SLC24A2: variants seen among roughly 807,000 people sequenced by gnomAD.
SLC24A2 encodes the protein sodium/potassium/calcium exchanger 2.
In SLC24A2, 36 loss-of-function variants were observed where a neutral mutation model predicts 62.0. That is an observed-to-expected ratio of 0.58 (90% CI 0.44 to 0.77). The LOEUF is 0.77. Ranked by LOEUF, SLC24A2 falls within the 30% of genes least tolerant of loss-of-function variation. SLC24A2 has a pLI of 0.00. For synonymous variants in SLC24A2, 358 were observed against 294.0 expected (o/e 1.22, Z -2.23); for missense variants, 846 against 817.9 (o/e 1.03, Z -0.42).
At chr9:20,283,008 A>G in the SLC24A2 span, among the ~76,000 whole-genome samples, 1 of 152,210 alleles carries the variant, frequency 6.6e-6, no homozygotes, top group Non-Finnish European at 1.5e-5. Flanking sequence ...GTTAATACAC[A>G]TGGTCAAATC....
intron 2 of SLC24A2, among the ~76,000 whole-genome samples, chr9:19,785,489 A>G (rs1289700734): frequency 6.6e-6 from 1 of 152,240 alleles, no homozygotes; most frequent in African/African-American, 2.4e-5. Context: ...ACGGTGACAC[A>G]AACTTTCTTC....
the SLC24A2 span, among the ~76,000 whole-genome samples, chr9:19,818,151 G>A: frequency 6.6e-6 from 1 of 152,210 alleles, no homozygotes; most frequent in Admixed American, 6.5e-5. Context: ...AATACCTGGT[G>A]CATTTTAGAG....
rs1336967108 is a variant in SLC24A2, at chr9:19,672,678, G to A, written c.931-50379C>T. Among the ~76,000 whole-genome samples the A allele has an allele frequency of 1.4e-5, 2 of 146,134 alleles. 1 individual carries two copies. Among genetic ancestry groups the A allele is most frequent in the Non-Finnish European group, 3.0e-5 (2 of 67,376 alleles). The stretch of plus-strand genomic sequence containing the variant: ...TTTTGATGTAGGCATTTAAGGCTGT[G>A]AATTTTCCTTTTAGCACTGTCTTTG... On this transcript the variant is annotated intron_variant, in intron 2 of 10. Coordinates refer to ENST00000341998, the MANE Select transcript of SLC24A2 (RefSeq NM_020344.4).
chr9:19,796,610 A>G, the SLC24A2 span, among the ~76,000 whole-genome samples: 1 of 152,214 alleles, frequency 6.6e-6, no homozygotes, highest in African/African-American at 2.4e-5. Context: ...TCCCACTCCC[A>G]TACTCTATTT....
the SLC24A2 span, among the ~76,000 whole-genome samples, chr9:19,897,561 A>T: frequency 2.0e-5 from 3 of 152,174 alleles, no homozygotes; most frequent in Non-Finnish European, 4.4e-5. Flanking sequence ...GTCCATATAA[A>T]ACAACAGTTC....
the SLC24A2 span, among the ~76,000 whole-genome samples, chr9:20,021,672 T>G: frequency 6.6e-6 from 1 of 152,198 alleles, no homozygotes; most frequent in South Asian, 2.1e-4. Flanking sequence ...TGCCTTGTGC[T>G]GTCTTCCTTT....
the SLC24A2 span, among the ~76,000 whole-genome samples, chr9:20,059,381 G>A: frequency 6.6e-6 from 1 of 152,184 alleles, no homozygotes; most frequent in Non-Finnish European, 1.5e-5. Flanking sequence ...ATATTTTCCA[G>A]GATGGACCAT....
At chr9:19,824,565 G>C in the SLC24A2 span, among the ~76,000 whole-genome samples, 1 of 152,184 alleles carries the variant, frequency 6.6e-6, no homozygotes, top group Non-Finnish European at 1.5e-5. Context: ...CTTTTACGCT[G>C]TTAGTGGGAG....
chr9:19,975,940 C>T, the SLC24A2 span, among the ~76,000 whole-genome samples: 953 of 152,138 alleles, frequency 6.3e-3, 17 homozygotes, highest in African/African-American at 0.02. Context: ...GTATCTTGTT[C>T]TATCACCCAA....
At chr9:20,159,932 A>T in the SLC24A2 span, among the ~76,000 whole-genome samples, 1 of 151,550 alleles carries the variant, frequency 6.6e-6, no homozygotes, top group African/African-American at 2.4e-5. Context: ...CAATATGACA[A>T]TTGATACAGA....
At chr9:20,261,923 A>G in the SLC24A2 span, among the ~76,000 whole-genome samples, 1 of 151,816 alleles carries the variant, frequency 6.6e-6, no homozygotes, top group African/African-American at 2.4e-5. Context: ...TATTTTTAGT[A>G]GAGACAGCAT....
the SLC24A2 span, among the ~76,000 whole-genome samples, chr9:20,284,372 G>T: frequency 6.6e-6 from 1 of 151,978 alleles, no homozygotes; most frequent in Non-Finnish European, 1.5e-5. Context: ...CGAACTCCTA[G>T]GCTCAAGCAA....
rs180754789 is a variant in SLC24A2 at position 19,676,231 on chromosome 9, A to G, written c.931-53932T>C. On this transcript the variant is annotated intron_variant, in intron 2 of 10. Transcript: ENST00000341998. ...GGCACTCACAGTTTTTTGGCTGTCT[A>G]CCGGGGCCTGCAGGAGCAATCTGCT... is the stretch of plus-strand genomic sequence containing the variant. Among the ~76,000 whole-genome samples, 89 of 152,236 alleles carry G rather than the reference A, an allele frequency of 5.8e-4. 1 individual carries two copies. Among genetic ancestry groups the G allele is most frequent in the African/African-American group, 2.1e-3 (87 of 41,550 alleles).
intron 6 of SLC24A2, among the ~76,000 whole-genome samples, chr9:19,576,220 T>C (rs540765929): frequency 6.6e-6 from 1 of 152,314 alleles, no homozygotes; most frequent in African/African-American, 2.4e-5. Flanking sequence ...GCTTCGTTTA[T>C]AGCATAGATC....
the SLC24A2 span, among the ~76,000 whole-genome samples, chr9:20,061,010 C>T: frequency 1.3e-5 from 2 of 152,084 alleles, no homozygotes; most frequent in Non-Finnish European, 2.9e-5. Flanking sequence ...CTGAAAACTA[C>T]AAGGCGTTGC....
rs1453599504 is a variant in SLC24A2 at position 19,735,661 on chromosome 9, T to C, written c.930+50276A>G. ...AAGAAAATGTGGCACATATACACCA[T>C]GGAATACTATGCAGCCATAAAAAAT... is the stretch of plus-strand genomic sequence containing the variant. On this transcript the variant is annotated intron_variant, in intron 2 of 10. Coordinates refer to ENST00000341998, the MANE Select transcript of SLC24A2 (RefSeq NM_020344.4). 2.6e-5 allele frequency among the ~76,000 whole-genome samples: 4 copies of C among 152,172 alleles called. No homozygotes were observed. The East Asian group carries it at 5.8e-4, about 22-fold the overall frequency.
chr9:19,997,246 G>C, the SLC24A2 span, among the ~76,000 whole-genome samples: 2 of 152,104 alleles, frequency 1.3e-5, no homozygotes, highest in African/African-American at 4.8e-5. Context: ...CTAGGTGTGA[G>C]TTTAGGGAAC....
the SLC24A2 span, among the ~76,000 whole-genome samples, chr9:19,977,822 G>A: frequency 6.6e-6 from 1 of 152,172 alleles, no homozygotes. Context: ...GAGAAGGAAG[G>A]AGAAATCTAG....
chr9:19,536,335 A>G (rs1006224434), intron 8 of SLC24A2, among the ~76,000 whole-genome samples: 41 of 138,410 alleles, frequency 3.0e-4, no homozygotes, highest in African/African-American at 8.9e-4. Context: ...ATATCTCCCA[A>G]TGCTATCCCT....
Sources: allele counts gnomAD v4.1 joint callset (sites outside exome capture counted in the v4.1 genomes callset), GRCh38; gene constraint gnomAD v4.1.1; transcripts MANE v1.5; gene names NCBI Gene and HGNC (gene_info 2026-07-23, HGNC 2026-07-21).